DCC: variants seen among roughly 807,000 people sequenced by gnomAD.
The protein encoded by DCC is netrin receptor DCC.
DCC carries 58 observed loss-of-function variants against 172.5 expected under a neutral mutation model. That is an observed-to-expected ratio of 0.34 (90% CI 0.27 to 0.42). The LOEUF is 0.42. Among genes scored for constraint, DCC ranks in the 10% least tolerant of loss-of-function variants. The pLI, the probability that DCC is intolerant of heterozygous loss-of-function variation, is 1.00. For synonymous variants in DCC, 709 were observed against 644.5 expected (o/e 1.10, Z -1.52); for missense variants, 1,740 against 1,791.0 (o/e 0.97, Z 0.51).
At chr18:53,162,915 G>A (rs746930771) in intron 8 of DCC, among the ~76,000 whole-genome samples, 55 of 152,264 alleles carry the variant, frequency 3.6e-4, no homozygotes, top group Admixed American at 3.3e-4. Flanking sequence ...TCAGCACCTG[G>A]AACAGTGCTT....
Position 52,822,567 on chromosome 18 carries a change from G to A in DCC, c.412+70193G>A, listed in dbSNP as rs867060916. ...TGCAACAGCCAAATTCCAATTCTGC[G>A]TTTTCCCCCTAAACAAAAAGGAAAC... On this transcript the variant is annotated intron_variant, in intron 2 of 28. Coordinates refer to ENST00000442544, the MANE Select transcript of DCC (RefSeq NM_005215.4). Among the ~76,000 whole-genome samples, 9 of 152,208 alleles carry A rather than the reference G, an allele frequency of 5.9e-5. 1 individual carries two copies. The South Asian group carries it at 8.3e-4, about 14-fold the overall frequency.
chr18:52,969,918 T>A (rs576887309), intron 5 of DCC, among the ~76,000 whole-genome samples: 8 of 152,238 alleles, frequency 5.3e-5, no homozygotes, highest in African/African-American at 1.7e-4. Flanking sequence ...ATGATAGAGA[T>A]CATTTTTACA....
intron 1 of DCC, among the ~76,000 whole-genome samples, chr18:52,346,085 T>A (rs1171254781): frequency 6.6e-6 from 1 of 152,220 alleles, no homozygotes; most frequent in Non-Finnish European, 1.5e-5. Context: ...ACTGACCCAA[T>A]GTATTTAAGA....
chr18:52,888,299 TAAC>T (rs1276450980), intron 2 of DCC, among the ~76,000 whole-genome samples: 1 of 152,194 alleles, frequency 6.6e-6, no homozygotes, highest in African/African-American at 2.4e-5. Flanking sequence ...ATTTCTGTAT[TAAC>T]AACAAGGACA....
At chr18:53,207,481 C>A (rs550374603) in intron 10 of DCC, among the ~76,000 whole-genome samples, 198 bp from the exon 11 acceptor site, 1 of 152,104 alleles carries the variant, frequency 6.6e-6, no homozygotes, top group South Asian at 2.1e-4. Flanking sequence ...ATAGCATGTG[C>A]TGTTTTAACA....
chr18:52,803,124 C>T (rs1429064809), intron 2 of DCC, among the ~76,000 whole-genome samples: 1 of 152,130 alleles, frequency 6.6e-6, no homozygotes, highest in Admixed American at 6.5e-5. Context: ...AATGTCATGA[C>T]TTGTCTCTGC....
intron 1 of DCC, among the ~76,000 whole-genome samples, chr18:52,397,449 A>T (rs1294329223): frequency 6.6e-6 from 1 of 151,878 alleles, no homozygotes; most frequent in African/African-American, 2.4e-5. Context: ...AGATAATTCC[A>T]CCCTCATTGT....
At chr18:53,202,039 C>T (rs186889524) in intron 9 of DCC, among the ~76,000 whole-genome samples, 3 of 152,130 alleles carry the variant, frequency 2.0e-5, no homozygotes, top group South Asian at 4.2e-4. Flanking sequence ...TATGTGTGTG[C>T]GTATGTATGC....
chr18:53,410,993 T>C (rs1337126759), intron 20 of DCC, among the ~76,000 whole-genome samples: 1 of 152,148 alleles, frequency 6.6e-6, no homozygotes, highest in Non-Finnish European at 1.5e-5. Flanking sequence ...GTGAATAGCA[T>C]ACTATTGCCG....
intron 15 of DCC, among the ~76,000 whole-genome samples, chr18:53,351,463 T>TATATATATATA (rs1568075494): frequency 4.4e-5 from 1 of 22,838 alleles, no homozygotes; most frequent in Non-Finnish European, 8.2e-5. Flanking sequence ...ATATACACAG[T>TATATATATATA]GTGTATATAT....
At chr18:53,190,870 T>A (rs1276097402) in intron 9 of DCC, among the ~76,000 whole-genome samples, 6 of 152,072 alleles carry the variant, frequency 3.9e-5, no homozygotes, top group African/African-American at 1.4e-4. Context: ...GGCGTGAACC[T>A]GGGAGGCGGA....
At chr18:52,432,267 G>T (rs887844167) in intron 1 of DCC, among the ~76,000 whole-genome samples, 1 of 152,136 alleles carries the variant, frequency 6.6e-6, no homozygotes, top group Non-Finnish European at 1.5e-5. Context: ...CAGGTCTCAG[G>T]TCTGGCTACT....
At chr18:53,145,105 C>CA (rs2043886864) in intron 7 of DCC, among the ~76,000 whole-genome samples, 1 of 36,908 alleles carries the variant, frequency 2.7e-5, no homozygotes, top group Admixed American at 5.4e-4. Context: ...GAGGGCTCTG[C>CA]TTTTTTTTTT....
intron 1 of DCC, among the ~76,000 whole-genome samples, chr18:52,422,367 C>A (rs911849178): frequency 6.6e-6 from 1 of 152,104 alleles, no homozygotes; most frequent in Non-Finnish European, 1.5e-5. Flanking sequence ...GTCAGTGGAG[C>A]TCTTAGTCCC....
At chr18:52,351,903 C>G (rs762664717) in intron 1 of DCC, among the ~76,000 whole-genome samples, 2 of 152,166 alleles carry the variant, frequency 1.3e-5, no homozygotes, top group African/African-American at 2.4e-5. Flanking sequence ...GGACCTGGAA[C>G]TACTGTACCA....
In DCC at chr18:53,040,120, T is replaced by C. The variant is rs374568068; in HGVS notation, c.986-23185T>C. 2.6e-5 allele frequency among the ~76,000 whole-genome samples: 4 copies of C among 151,862 alleles called. No individual in the cohort carries two copies. The East Asian group carries it at 7.8e-4, about 29-fold the overall frequency. On this transcript the variant is annotated intron_variant, in intron 5 of 28. Coordinates refer to ENST00000442544, the MANE Select transcript of DCC (RefSeq NM_005215.4). ...GGTGTGAAAAAAAGAAAAAGTCAAG[T>C]GTGAAAAATATAGATAACAAACTGA... is the stretch of plus-strand genomic sequence containing the variant.
At chr18:52,722,243 T>G (rs1239667421) in intron 1 of DCC, among the ~76,000 whole-genome samples, 2 of 152,244 alleles carry the variant, frequency 1.3e-5, no homozygotes, top group East Asian at 3.9e-4. Flanking sequence ...ATTAGGGAAT[T>G]GTGCTCTATA....
intron 27 of DCC, among the ~76,000 whole-genome samples, chr18:53,515,969 C>CA (rs1042297166): frequency 4.4e-4 from 66 of 150,936 alleles, no homozygotes; most frequent in Non-Finnish European, 5.2e-4. Flanking sequence ...CATATGGAAC[C>CA]AAAAAAGAGC....
intron 12 of DCC, among the ~76,000 whole-genome samples, chr18:53,304,270 C>T (rs1599003309): frequency 1.3e-5 from 2 of 152,142 alleles, no homozygotes; most frequent in Admixed American, 1.3e-4. Flanking sequence ...GGCCTTTTGC[C>T]AGAGAACCAC....
Sources: gnomAD v4.1 joint callset for allele counts (sites outside exome capture counted in the v4.1 genomes callset) on GRCh38, gnomAD v4.1.1 for gene constraint, MANE v1.5 for transcripts, NCBI Gene and HGNC (gene_info 2026-07-23, HGNC 2026-07-21) for gene names.